Variants in ADAMTSL1 observed in about 807,000 individuals in gnomAD.
The protein encoded by ADAMTSL1 is ADAMTS like 1.
ADAMTSL1 carries 126 observed loss-of-function variants against 201.8 expected under a neutral mutation model. The observed-to-expected ratio is 0.62, with a 90% CI of 0.54 to 0.72. The LOEUF (loss-of-function observed/expected upper bound fraction) is 0.72. Among genes scored for constraint, ADAMTSL1 ranks in the 30% least tolerant of loss-of-function variants. The probability of loss-of-function intolerance (pLI) is 0.00; values close to 1 mark genes in which losing one functional copy is unlikely to be tolerated. For missense variants in ADAMTSL1, 2,679 were observed against 2,277.8 expected, an observed-to-expected ratio of 1.18 and a Z score of -3.59; for synonymous variants, 1,121 against 903.4, an observed-to-expected ratio of 1.24 and a Z score of -4.32.
chr9:17,911,493 G>A (rs1267908336), intron 1 of ADAMTSL1, among the ~76,000 whole-genome samples: 2 of 67,870 alleles, frequency 2.9e-5, no homozygotes, highest in African/African-American at 5.9e-5. Context: ...ACTTGCTGGC[G>A]GTTCATGTCC....
chr9:18,052,766 A>G (rs1821995225), intron 1 of ADAMTSL1, among the ~76,000 whole-genome samples: 1 of 151,752 alleles, frequency 6.6e-6, no homozygotes. Context: ...ATCTTAGTTA[A>G]CCCAGCTGTG....
At chr9:18,280,704 T>C (rs1034510181) in intron 2 of ADAMTSL1, among the ~76,000 whole-genome samples, 13 of 152,190 alleles carry the variant, frequency 8.5e-5, no homozygotes. Flanking sequence ...GTAAAATTGA[T>C]ATTAGTTACG....
intron 7 of ADAMTSL1, among the ~76,000 whole-genome samples, chr9:18,647,896 A>T (rs571604984): frequency 6.7e-6 from 1 of 150,284 alleles, no homozygotes; most frequent in East Asian, 1.9e-4. Flanking sequence ...GTAGATGTCT[A>T]TTAGGTCCGC....
At chr9:17,935,300 T>TC (rs1826959736) in intron 1 of ADAMTSL1, among the ~76,000 whole-genome samples, 1 of 152,066 alleles carries the variant, frequency 6.6e-6, no homozygotes, top group African/African-American at 2.4e-5. Flanking sequence ...TCTCCCATGT[T>TC]CCCCCGGCAC....
intron 2 of ADAMTSL1, among the ~76,000 whole-genome samples, chr9:18,228,511 C>T (rs1235158792): frequency 6.6e-6 from 1 of 152,092 alleles, no homozygotes; most frequent in Non-Finnish European, 1.5e-5. Context: ...CCCTTGAACT[C>T]CTCAGCTCAA....
intron 3 of ADAMTSL1, among the ~76,000 whole-genome samples, chr9:18,541,236 C>A (rs949916002): frequency 4.6e-5 from 7 of 152,136 alleles, no homozygotes; most frequent in African/African-American, 7.2e-5. Flanking sequence ...GAGTGGCAGG[C>A]GCAGTGGCTC....
intron 9 of ADAMTSL1, among the ~76,000 whole-genome samples, chr9:18,665,502 T>C (rs543528761): frequency 6.6e-6 from 1 of 152,276 alleles, no homozygotes; most frequent in South Asian, 2.1e-4. Flanking sequence ...ATTTTAGTTT[T>C]AGGAAGTTTA....
At chr9:18,395,430 A>G (rs1221725855) in intron 2 of ADAMTSL1, among the ~76,000 whole-genome samples, 1 of 152,168 alleles carries the variant, frequency 6.6e-6, no homozygotes, top group Non-Finnish European at 1.5e-5. Flanking sequence ...CAGAAATCTC[A>G]TCCATTGATA....
At chr9:18,232,897 A>G (rs528871576) in intron 2 of ADAMTSL1, among the ~76,000 whole-genome samples, 1 of 152,222 alleles carries the variant, frequency 6.6e-6, no homozygotes, top group South Asian at 2.1e-4. Flanking sequence ...TATAAATAGA[A>G]TGGATTTTTA....
intron 2 of ADAMTSL1, among the ~76,000 whole-genome samples, chr9:18,524,654 G>C (rs907730100): frequency 3.3e-5 from 5 of 152,066 alleles, no homozygotes; most frequent in African/African-American, 4.8e-5. Flanking sequence ...GCATGAAGGG[G>C]TGTTGAATTT....
intron 1 of ADAMTSL1, among the ~76,000 whole-genome samples, chr9:18,010,219 G>A (rs958868410): frequency 1.3e-5 from 2 of 151,988 alleles, no homozygotes; most frequent in African/African-American, 4.8e-5. Flanking sequence ...GATTCTTAAA[G>A]TTTAAGCATT....
chr9:17,980,404 C>G (rs552061770), intron 1 of ADAMTSL1, among the ~76,000 whole-genome samples: 190 of 151,474 alleles, frequency 1.3e-3, no homozygotes, highest in Non-Finnish European at 1.4e-3. Flanking sequence ...CTTTTTCTAT[C>G]TTCTAATTTA....
intron 1 of ADAMTSL1, among the ~76,000 whole-genome samples, chr9:18,121,327 C>G (rs1385692651): frequency 2.0e-5 from 3 of 152,080 alleles, no homozygotes; most frequent in Admixed American, 1.3e-4. Context: ...GTTACACCGA[C>G]AAAAAACTCA....
intron 1 of ADAMTSL1, among the ~76,000 whole-genome samples, chr9:18,118,381 A>C (rs781394887): frequency 6.6e-6 from 1 of 152,212 alleles, no homozygotes; most frequent in Non-Finnish European, 1.5e-5. Context: ...TGAAGCTACC[A>C]GTATCCAAGG....
At chr9:18,082,099 G>A (rs187390994) in intron 1 of ADAMTSL1, among the ~76,000 whole-genome samples, 2 of 152,238 alleles carry the variant, frequency 1.3e-5, no homozygotes, top group East Asian at 3.9e-4. Context: ...ATGCAAATAA[G>A]CTCATTTTCA....
chr9:18,905,560 T>C (rs1830257180), intron 26 of ADAMTSL1: 1 of 542,100 alleles, frequency 1.8e-6, no homozygotes, highest in East Asian at 3.1e-5. Flanking sequence ...CCATTAGCCA[T>C]TTGCTGGCAG....
At chr9:18,871,010 GTATAC>G (rs1375356120) in intron 23 of ADAMTSL1, among the ~76,000 whole-genome samples, 1 of 152,094 alleles carries the variant, frequency 6.6e-6, no homozygotes, top group Non-Finnish European at 1.5e-5. Context: ...CCAGTTGTTA[GTATAC>G]TTCTAAATAT....
rs1419896712 is a variant in ADAMTSL1 at position 18,886,190 on chromosome 9, A to G, written c.4250-1641A>G. On this transcript the variant is annotated intron_variant, in intron 23 of 28. Coordinates refer to ENST00000380548, the MANE Select transcript of ADAMTSL1 (RefSeq NM_001040272.6). ...TGTATATATATATATATATATATAT[A>G]TATATATATATATATATATATACAC... Among the ~76,000 whole-genome samples the G allele has an allele frequency of 1.5e-3, 204 of 134,778 alleles. 7 individuals are homozygous for G. The highest frequency in any genetic ancestry group is 7.8e-3 in the Middle Eastern group (2 of 256). 88.4% of individuals were successfully genotyped at this position (134,778 alleles called of 152,430 possible). A position where few individuals can be genotyped will look rare whatever the true frequency, so the allele number is the denominator to read the frequency against.
chr9:18,419,080 A>T (rs902965271), intron 2 of ADAMTSL1, among the ~76,000 whole-genome samples: 8 of 152,250 alleles, frequency 5.3e-5, no homozygotes, highest in Non-Finnish European at 7.3e-5. Context: ...TAGCAACTCA[A>T]TTGAGAAAGA....
Sources: allele counts gnomAD v4.1 joint callset (sites outside exome capture counted in the v4.1 genomes callset), GRCh38; gene constraint gnomAD v4.1.1; transcripts MANE v1.5; gene names NCBI Gene and HGNC (gene_info 2026-07-23, HGNC 2026-07-21).